The following KCTD16 variants were observed in gnomAD, a reference collection of about 807,000 sequenced individuals.
KCTD16 encodes the protein BTB/POZ domain-containing protein KCTD16.
A neutral mutation model predicts 33.2 loss-of-function variants in KCTD16; 13 were observed. The observed-to-expected ratio is 0.39, with a 90% CI of 0.25 to 0.62. The LOEUF (loss-of-function observed/expected upper bound fraction) is 0.62. Among genes scored for constraint, KCTD16 ranks in the 20% least tolerant of loss-of-function variants. The pLI is 0.50. For synonymous variants in KCTD16, 197 were observed against 195.3 expected, an observed-to-expected ratio of 1.01 and a Z score of -0.07; for missense variants, 441 against 525.1, an observed-to-expected ratio of 0.84 and a Z score of 1.57.
chr5:144,316,002 TTTA>T (rs1330366780), intron 3 of KCTD16, among the ~76,000 whole-genome samples: 1 of 152,094 alleles, frequency 6.6e-6, no homozygotes, highest in African/African-American at 2.4e-5. Flanking sequence ...TTTTTTTTTT[TTTA>T]AAAGGTCAGC....
In KCTD16 at chr5:144,479,374, A is replaced by G. The variant is rs902981025; in HGVS notation, c.*5260A>G. 14 of 151,224 alleles carry G rather than the reference A, an allele frequency of 9.3e-5. No homozygotes were observed. Among genetic ancestry groups the G allele is most frequent in the Admixed American group, 6.6e-4 (10 of 15,170 alleles). The allele number at this position is 151,224 out of a possible 1,614,324, so 9.4% of individuals were successfully genotyped here. ...TGTGTAAGAATAAATGCAAAAAAAA[A>G]AAAAAAAGAAAAAGAAAAAGAAAGC... On this transcript the variant is annotated 3_prime_UTR_variant, in exon 4 of 4. Coordinates refer to ENST00000512467, the MANE Select transcript of KCTD16 (RefSeq NM_020768.4).
rs759775864 is a variant in KCTD16, at chr5:144,456,485, G to C, written c.833-17175G>C. ...CCCCAACACACACAGACGCACACAG[G>C]GGGGTCAGGGGTAGGGAGGACTTAG... is the stretch of plus-strand genomic sequence containing the variant. On this transcript the variant is annotated intron_variant, in intron 3 of 3. Coordinates refer to ENST00000512467, the MANE Select transcript of KCTD16 (RefSeq NM_020768.4). Among the ~76,000 whole-genome samples the C allele has an allele frequency of 5.3e-5, 8 of 152,074 alleles. No individual in the cohort carries two copies. In the South Asian group the frequency reaches 6.2e-4, roughly 12 times the overall value.
chr5:144,381,839 G>C (rs189664246), intron 3 of KCTD16, among the ~76,000 whole-genome samples: 100 of 152,240 alleles, frequency 6.6e-4, no homozygotes, highest in Non-Finnish European at 1.2e-4. Context: ...GAATCTAAAA[G>C]ATAACTACCA....
At chr5:144,467,295 T>C (rs1754369077) in intron 3 of KCTD16, among the ~76,000 whole-genome samples, 1 of 151,798 alleles carries the variant, frequency 6.6e-6, no homozygotes, top group African/African-American at 2.4e-5. Context: ...CATTTTTCTT[T>C]TTGGGTGGAA....
intron 3 of KCTD16, among the ~76,000 whole-genome samples, chr5:144,417,722 A>G (rs1235863692): frequency 2.6e-5 from 4 of 151,972 alleles, no homozygotes; most frequent in Admixed American, 2.6e-4. Flanking sequence ...CAAGTGTTTT[A>G]TGGTTTTAGG....
intron 3 of KCTD16, among the ~76,000 whole-genome samples, chr5:144,377,498 G>A (rs1169481072): frequency 6.6e-6 from 1 of 152,176 alleles, no homozygotes; most frequent in African/African-American, 2.4e-5. Flanking sequence ...TACAATTAAA[G>A]AAAATGCCTC....
chr5:144,384,704 A>C (rs186583333), intron 3 of KCTD16, among the ~76,000 whole-genome samples: 12 of 152,284 alleles, frequency 7.9e-5, no homozygotes, highest in Admixed American at 7.2e-4. Context: ...TGTTTGCACT[A>C]TTATTTCTTT....
intron 3 of KCTD16, among the ~76,000 whole-genome samples, chr5:144,243,965 G>A (rs926603920): frequency 2.0e-5 from 3 of 151,998 alleles, no homozygotes; most frequent in African/African-American, 4.8e-5. Flanking sequence ...GGAGGGTCTC[G>A]ATCTCCTGAC....
intron 3 of KCTD16, among the ~76,000 whole-genome samples, chr5:144,232,151 C>A (rs551537955): frequency 2.0e-5 from 3 of 152,284 alleles, no homozygotes; most frequent in East Asian, 3.9e-4. Context: ...ATACTATTAA[C>A]CCTTCATTAA....
chr5:144,231,869 A>G (rs1307825433), intron 3 of KCTD16, among the ~76,000 whole-genome samples: 1 of 152,170 alleles, frequency 6.6e-6, no homozygotes, highest in Non-Finnish European at 1.5e-5. Flanking sequence ...TCCTTCATAA[A>G]TTACCCAGTC....
In KCTD16 at chr5:144,227,031, C is replaced by T. The variant is rs538278408; in HGVS notation, c.832+19485C>T. Among the ~76,000 whole-genome samples, 48 of 152,262 alleles carry T rather than the reference C, an allele frequency of 3.2e-4. 2 individuals are homozygous for T. The South Asian group carries it at 7.5e-3, about 24-fold the overall frequency. Reference sequence around the variant, plus strand: ...AGTGTTCTAGGCATTGAGGAGTCAGCACTGAATAAAACACACATAGCTGTC... The same window carrying T: ...AGTGTTCTAGGCATTGAGGAGTCAGTACTGAATAAAACACACATAGCTGTC... On this transcript the variant is annotated intron_variant, in intron 3 of 3. Coordinates refer to ENST00000512467, the MANE Select transcript of KCTD16 (RefSeq NM_020768.4).
intron 3 of KCTD16, among the ~76,000 whole-genome samples, chr5:144,357,032 T>A (rs1751585407): frequency 6.6e-6 from 1 of 152,038 alleles, no homozygotes; most frequent in Non-Finnish European, 1.5e-5. Flanking sequence ...CTTAGAAGTT[T>A]ACTGCACTTT....
At chr5:144,418,091 T>A (rs932545722) in intron 3 of KCTD16, among the ~76,000 whole-genome samples, 1 of 151,858 alleles carries the variant, frequency 6.6e-6, no homozygotes, top group Non-Finnish European at 1.5e-5. Flanking sequence ...GTGTCTGGAG[T>A]TGTTCGTTCC....
intron 3 of KCTD16, among the ~76,000 whole-genome samples, chr5:144,338,772 G>A (rs989538137): frequency 5.9e-5 from 9 of 152,258 alleles, no homozygotes; most frequent in East Asian, 3.9e-4. Flanking sequence ...TAGGAGTGAT[G>A]GAAAATGAGC....
intron 3 of KCTD16, among the ~76,000 whole-genome samples, chr5:144,464,916 A>G (rs1754286539): frequency 6.6e-6 from 1 of 152,162 alleles, no homozygotes; most frequent in Admixed American, 6.5e-5. Flanking sequence ...TCTTCTCCCA[A>G]AAATATATGC....
intron 3 of KCTD16, among the ~76,000 whole-genome samples, chr5:144,283,440 A>G (rs1484915236): frequency 6.6e-6 from 1 of 152,142 alleles, no homozygotes; most frequent in East Asian, 1.9e-4. Flanking sequence ...ACTAGGTTGT[A>G]TTTTCATTTT....
At chr5:144,171,219 T>C (rs1752375223) in intron 1 of KCTD16, among the ~76,000 whole-genome samples, 1 of 152,112 alleles carries the variant, frequency 6.6e-6, no homozygotes, top group Non-Finnish European at 1.5e-5. Flanking sequence ...CTAATATTCT[T>C]TAGTGTTCCA....
intron 3 of KCTD16, among the ~76,000 whole-genome samples, chr5:144,460,640 C>T (rs570454068): frequency 6.6e-6 from 1 of 152,238 alleles, no homozygotes; most frequent in South Asian, 2.1e-4. Context: ...TGGGGTTTCA[C>T]CATGTTGGCC....
Position 144,475,163 on chromosome 5 carries a change from A to G in KCTD16, c.*1049A>G, listed in dbSNP as rs1754567803. 1 of 152,216 alleles carries G rather than the reference A, an allele frequency of 6.6e-6. No individual in the cohort carries two copies. Among genetic ancestry groups the G allele is most frequent in the Non-Finnish European group, 1.5e-5 (1 of 68,036 alleles). The allele number at this position is 152,216 out of a possible 1,614,324, so 9.4% of individuals were successfully genotyped here. A position where few individuals can be genotyped will look rare whatever the true frequency, so the allele number is the denominator to read the frequency against. ...CTGTGTTGTTGTGGAACTAAGGACAACACACAGTACTTGAATAAGGGTCCG... is the reference window on the plus strand; with the variant it reads ...CTGTGTTGTTGTGGAACTAAGGACAGCACACAGTACTTGAATAAGGGTCCG... On this transcript the variant is annotated 3_prime_UTR_variant, in exon 4 of 4. Coordinates refer to ENST00000512467, the MANE Select transcript of KCTD16 (RefSeq NM_020768.4).
Sources: gnomAD v4.1 joint callset for allele counts (sites outside exome capture counted in the v4.1 genomes callset) on GRCh38, gnomAD v4.1.1 for gene constraint, MANE v1.5 for transcripts, NCBI Gene and HGNC (gene_info 2026-07-23, HGNC 2026-07-21) for gene names.